COL23A1: variants seen among roughly 807,000 people sequenced by gnomAD.
COL23A1 encodes the protein collagen type XXIII alpha 1 chain.
COL23A1 carries 97 observed loss-of-function variants against 99.3 expected under a neutral mutation model. That is an observed-to-expected ratio of 0.98 (90% confidence interval 0.83 to 1.16). The LOEUF (loss-of-function observed/expected upper bound fraction) is 1.16. Among genes scored for constraint, COL23A1 ranks in the 50% most tolerant of loss-of-function variants. The probability of loss-of-function intolerance (pLI) is 0.00; values close to 1 mark genes in which losing one functional copy is unlikely to be tolerated. For synonymous variants in COL23A1, 320 were observed against 308.2 expected, an observed-to-expected ratio of 1.04 and a Z score of -0.40; for missense variants, 762 against 757.4, an observed-to-expected ratio of 1.01 and a Z score of -0.07.
intron 2 of COL23A1, among the ~76,000 whole-genome samples, chr5:178,485,779 C>CA (rs528117830): frequency 0.46 from 45,437 of 99,204 alleles, 10,775 homozygotes; most frequent in African/African-American, 0.64. Context: ...GACTCCATCT[C>CA]AAAAAAAAAA....
intron 2 of COL23A1, among the ~76,000 whole-genome samples, chr5:178,443,950 C>G (rs762344357): frequency 1.4e-4 from 21 of 152,034 alleles, no homozygotes; most frequent in Non-Finnish European, 1.9e-4. Flanking sequence ...GCCTGTAATC[C>G]TAACACTTTG....
At chr5:178,287,662 A>C (rs1265055920) in intron 5 of COL23A1, among the ~76,000 whole-genome samples, 1 of 152,054 alleles carries the variant, frequency 6.6e-6, no homozygotes, top group Non-Finnish European at 1.5e-5. Flanking sequence ...GCACAAAATG[A>C]ATCTGCCCCT....
intron 2 of COL23A1, among the ~76,000 whole-genome samples, chr5:178,495,166 TGCTCCCTGCACTGCAG>T (rs1233492873): frequency 6.6e-6 from 1 of 152,196 alleles, no homozygotes; most frequent in African/African-American, 2.4e-5. Flanking sequence ...CATGAAGCTG[TGCTCCCTGCACTGCAG>T]GCTCCCTGCA....
At chr5:178,421,906 C>T (rs564600153) in intron 2 of COL23A1, among the ~76,000 whole-genome samples, 17 of 152,064 alleles carry the variant, frequency 1.1e-4, no homozygotes, top group African/African-American at 4.1e-4. Flanking sequence ...ACCAAACAGG[C>T]AAAAGGTGCT....
At chr5:178,502,128 A>T (rs1019488110) in intron 2 of COL23A1, among the ~76,000 whole-genome samples, 6 of 152,202 alleles carry the variant, frequency 3.9e-5, no homozygotes, top group African/African-American at 1.2e-4. Context: ...TAAGTAGCAA[A>T]CAAGAGGTGG....
chr5:178,245,775 G>C (rs1487539390), intron 25 of COL23A1, among the ~76,000 whole-genome samples, 167 bp downstream of exon 25: 1 of 152,176 alleles, frequency 6.6e-6, no homozygotes, highest in African/African-American at 2.4e-5. Context: ...ACCTACTCTG[G>C]GTCGTGCACT....
intron 2 of COL23A1, among the ~76,000 whole-genome samples, chr5:178,550,648 G>A (rs750337559): frequency 1.1e-4 from 16 of 152,056 alleles, no homozygotes; most frequent in East Asian, 3.8e-4. Flanking sequence ...AATATACCCC[G>A]GCATAAGAAG....
chr5:178,556,319 T>C (rs1380982080), intron 2 of COL23A1, among the ~76,000 whole-genome samples: 1 of 152,128 alleles, frequency 6.6e-6, no homozygotes, highest in Non-Finnish European at 1.5e-5. Context: ...GAGGAGTTAC[T>C]ACTTTAAAAT....
intron 3 of COL23A1, among the ~76,000 whole-genome samples, chr5:178,291,945 G>A (rs1472804842): frequency 6.6e-6 from 1 of 152,112 alleles, no homozygotes; most frequent in Non-Finnish European, 1.5e-5. Context: ...CTGGCAGCTT[G>A]GACATCCCAT....
At chr5:178,244,289 G>A (rs577825639) in intron 25 of COL23A1, among the ~76,000 whole-genome samples, 12 of 152,020 alleles carry the variant, frequency 7.9e-5, no homozygotes, top group Non-Finnish European at 1.3e-4. Flanking sequence ...GTGCCTGGCC[G>A]GTAATGTTCT....
intron 2 of COL23A1, among the ~76,000 whole-genome samples, chr5:178,375,180 G>A (rs1282934335): frequency 1.3e-5 from 2 of 152,098 alleles, no homozygotes; most frequent in Non-Finnish European, 2.9e-5. Flanking sequence ...GTCACACGCT[G>A]CAGGAGTCCA....
At chr5:178,464,085 A>C (rs1756281294) in intron 2 of COL23A1, among the ~76,000 whole-genome samples, 1 of 152,216 alleles carries the variant, frequency 6.6e-6, no homozygotes, top group Non-Finnish European at 1.5e-5. Flanking sequence ...GTACCATCTT[A>C]ACTACGTTTA....
intron 2 of COL23A1, among the ~76,000 whole-genome samples, chr5:178,497,689 T>A (rs1407902959): frequency 6.6e-6 from 1 of 152,194 alleles, no homozygotes; most frequent in Admixed American, 6.5e-5. Context: ...GGGGGAAATG[T>A]AGCATCTATA....
chr5:178,481,329 T>C (rs1757327762), intron 2 of COL23A1, among the ~76,000 whole-genome samples: 2 of 152,020 alleles, frequency 1.3e-5, no homozygotes, highest in Admixed American at 1.3e-4. Flanking sequence ...ATTTGGCAAA[T>C]AATTTCTTGG....
intron 2 of COL23A1, among the ~76,000 whole-genome samples, chr5:178,524,244 G>A (rs978172994): frequency 7.9e-5 from 12 of 152,164 alleles, no homozygotes; most frequent in Non-Finnish European, 5.9e-5. Context: ...CCTCCATGTT[G>A]GCTTCATTCC....
chr5:178,301,813 C>G (rs1758047736), intron 3 of COL23A1, among the ~76,000 whole-genome samples: 1 of 152,146 alleles, frequency 6.6e-6, no homozygotes, highest in South Asian at 2.1e-4. Flanking sequence ...CGCCGGAGCA[C>G]GGCTTCAATG....
intron 2 of COL23A1, among the ~76,000 whole-genome samples, chr5:178,510,478 T>C (rs574817952): frequency 6.6e-6 from 1 of 152,098 alleles, no homozygotes; most frequent in Admixed American, 6.5e-5. Context: ...GAGGCGGAGG[T>C]TGCAGTGAGC....
intron 2 of COL23A1, among the ~76,000 whole-genome samples, chr5:178,337,294 C>T (rs777919555): frequency 9.2e-5 from 14 of 152,228 alleles, no homozygotes; most frequent in Non-Finnish European, 1.6e-4. Context: ...CGGTGATCCC[C>T]GGCCAGACCC....
chr5:178,414,770 T>C (rs1765220324), intron 2 of COL23A1, among the ~76,000 whole-genome samples: 1 of 152,048 alleles, frequency 6.6e-6, no homozygotes, highest in African/African-American at 2.4e-5. Context: ...AGACTCCAAC[T>C]AAATAAAAAA....
Sources: gnomAD v4.1 joint callset for allele counts (sites outside exome capture counted in the v4.1 genomes callset) on GRCh38, gnomAD v4.1.1 for gene constraint, MANE v1.5 for transcripts, NCBI Gene and HGNC (gene_info 2026-07-23, HGNC 2026-07-21) for gene names.